The following ROBO2 variants were observed in gnomAD, a reference collection of about 807,000 sequenced individuals.
ROBO2 encodes roundabout guidance receptor 2, also known as roundabout homolog 2.
ROBO2 carries 53 observed loss-of-function variants against 160.8 expected under a neutral mutation model. That is an observed-to-expected ratio of 0.33 (90% CI 0.26 to 0.41). The LOEUF (loss-of-function observed/expected upper bound fraction) is 0.41, where lower values mean the gene tolerates loss of function less well. ROBO2 is among the 10% of genes least tolerant of loss of function. The pLI, the probability that ROBO2 is intolerant of heterozygous loss-of-function variation, is 1.00. For missense variants in ROBO2, 1,577 were observed against 1,722.4 expected (o/e 0.92, Z 1.49); for synonymous variants, 664 against 611.7 (o/e 1.09, Z -1.26).
chr3:77,224,153 T>A (rs969032121), intron 2 of ROBO2, among the ~76,000 whole-genome samples: 1 of 152,042 alleles, frequency 6.6e-6, no homozygotes, highest in African/African-American at 2.4e-5. Context: ...TAACATTGTC[T>A]ATTAATGTGT....
At chr3:76,247,653 T>C (rs1232838448) in intron 2 of ROBO2, among the ~76,000 whole-genome samples, 2 of 152,120 alleles carry the variant, frequency 1.3e-5, no homozygotes, top group Non-Finnish European at 2.9e-5. Flanking sequence ...CTCTTCCTGA[T>C]TTGATATGGT....
chr3:77,206,318 C>A (rs1409576790), intron 2 of ROBO2, among the ~76,000 whole-genome samples: 1 of 151,950 alleles, frequency 6.6e-6, no homozygotes, highest in East Asian at 1.9e-4. Flanking sequence ...TACAGGTGCC[C>A]GCCACCAAGC....
At chr3:76,333,718 T>C (rs953587391) in intron 2 of ROBO2, among the ~76,000 whole-genome samples, 1 of 152,184 alleles carries the variant, frequency 6.6e-6, no homozygotes, top group Non-Finnish European at 1.5e-5. Context: ...TTCCATGGTG[T>C]ATATGTGCCA....
chr3:77,326,090 C>T (rs890764533), intron 2 of ROBO2, among the ~76,000 whole-genome samples: 1 of 152,132 alleles, frequency 6.6e-6, no homozygotes, highest in African/African-American at 2.4e-5. Context: ...GATAAATACT[C>T]ACTGAATGAA....
chr3:76,962,420 C>T (rs888704229), intron 2 of ROBO2, among the ~76,000 whole-genome samples: 1 of 152,042 alleles, frequency 6.6e-6, no homozygotes, highest in Non-Finnish European at 1.5e-5. Context: ...AGGCAGATCA[C>T]CTGAGGTCAG....
intron 2 of ROBO2, among the ~76,000 whole-genome samples, chr3:77,180,504 C>T (rs1477094234): frequency 1.4e-5 from 2 of 142,488 alleles, no homozygotes; most frequent in Non-Finnish European, 3.0e-5. Flanking sequence ...GGGATGATCT[C>T]GGCTCACTGC....
At chr3:77,285,526 C>A (rs890960022) in intron 2 of ROBO2, among the ~76,000 whole-genome samples, 2 of 152,130 alleles carry the variant, frequency 1.3e-5, no homozygotes, top group Non-Finnish European at 2.9e-5. Flanking sequence ...GTCTCCTATA[C>A]CACCTTGAAT....
At chr3:77,494,748 C>T (rs2086575853) in intron 5 of ROBO2, among the ~76,000 whole-genome samples, 3 of 150,884 alleles carry the variant, frequency 2.0e-5, no homozygotes, top group South Asian at 4.2e-4. Flanking sequence ...TTTATAAATC[C>T]CTAGATATGA....
chr3:76,860,469 G>A (rs931189274), intron 2 of ROBO2, among the ~76,000 whole-genome samples: 4 of 152,128 alleles, frequency 2.6e-5, no homozygotes, highest in Admixed American at 2.0e-4. Flanking sequence ...TATAGCAGAT[G>A]TTCTCCTTTG....
intron 2 of ROBO2, among the ~76,000 whole-genome samples, chr3:76,343,690 G>T (rs1234548996): frequency 6.6e-6 from 1 of 152,048 alleles, no homozygotes; most frequent in Non-Finnish European, 1.5e-5. Flanking sequence ...GTATCATGCA[G>T]TATTGGTGTG....
intron 2 of ROBO2, among the ~76,000 whole-genome samples, chr3:76,993,367 T>G (rs906484874): frequency 6.6e-6 from 1 of 152,218 alleles, no homozygotes; most frequent in Non-Finnish European, 1.5e-5. Flanking sequence ...AAATGTATCT[T>G]AGAGGAAATG....
At chr3:76,635,625 C>T (rs2109553831) in intron 2 of ROBO2, among the ~76,000 whole-genome samples, 1 of 152,288 alleles carries the variant, frequency 6.6e-6, no homozygotes, top group African/African-American at 2.4e-5. Context: ...CCCTCTATGT[C>T]AGCATTTGTC....
intron 2 of ROBO2, among the ~76,000 whole-genome samples, chr3:76,515,469 T>G (rs2081304595): frequency 6.6e-6 from 1 of 151,912 alleles, no homozygotes; most frequent in African/African-American, 2.4e-5. Flanking sequence ...ATATTGGAAC[T>G]TATCATTATT....
At chr3:76,983,836 G>T (rs2060227567) in intron 2 of ROBO2, among the ~76,000 whole-genome samples, 1 of 152,190 alleles carries the variant, frequency 6.6e-6, no homozygotes, top group Non-Finnish European at 1.5e-5. Flanking sequence ...AACTGGTAAA[G>T]CTGGTGTATT....
intron 2 of ROBO2, among the ~76,000 whole-genome samples, chr3:76,098,005 A>G (rs2069524882): frequency 6.6e-6 from 1 of 150,902 alleles, no homozygotes; most frequent in African/African-American, 2.5e-5. Context: ...GAAATTCTCC[A>G]TTTATTTTTT....
chr3:76,339,570 G>A (rs1221206194), intron 2 of ROBO2, among the ~76,000 whole-genome samples: 1 of 151,974 alleles, frequency 6.6e-6, no homozygotes, highest in Non-Finnish European at 1.5e-5. Context: ...TGCCCTCTAT[G>A]TGTTAATTTC....
intron 2 of ROBO2, among the ~76,000 whole-genome samples, chr3:76,023,713 A>T (rs2066645728): frequency 6.6e-6 from 1 of 151,662 alleles, no homozygotes; most frequent in Admixed American, 6.6e-5. Context: ...CAATGAAAAA[A>T]TCTGAAATAT....
At chr3:76,256,357 T>G in intron 2 of ROBO2, among the ~76,000 whole-genome samples, 1 of 106,702 alleles carries the variant, frequency 9.4e-6, no homozygotes, top group East Asian at 3.0e-4. Context: ...CTCTCTCACA[T>G]ACACACACAC....
At chr3:76,064,842 A>G (rs1485174212) in intron 2 of ROBO2, among the ~76,000 whole-genome samples, 1 of 152,148 alleles carries the variant, frequency 6.6e-6, no homozygotes, top group Non-Finnish European at 1.5e-5. Context: ...TAAAAGGTGT[A>G]TGGCCTAATA....
Sources: allele counts gnomAD v4.1 joint callset (sites outside exome capture counted in the v4.1 genomes callset), GRCh38; gene constraint gnomAD v4.1.1; transcripts MANE v1.5; gene names NCBI Gene and HGNC (gene_info 2026-07-23, HGNC 2026-07-21).